The following AGBL4 variants were observed in gnomAD, a reference collection of about 807,000 sequenced individuals.
AGBL4 encodes the protein cytosolic carboxypeptidase 6.
AGBL4 carries 58 observed loss-of-function variants against 66.4 expected under a neutral mutation model. The observed-to-expected ratio is 0.87, with a 90% CI of 0.71 to 1.09. The LOEUF (loss-of-function observed/expected upper bound fraction) is 1.09, where lower values mean the gene tolerates loss of function less well. Ranked by LOEUF, AGBL4 falls within the 50% of genes least tolerant of loss-of-function variation. The probability of loss-of-function intolerance (pLI) is 0.00; values close to 1 mark genes in which losing one functional copy is unlikely to be tolerated. For synonymous variants in AGBL4, 234 were observed against 222.9 expected, an observed-to-expected ratio of 1.05 and a Z score of -0.44; for missense variants, 579 against 631.0, an observed-to-expected ratio of 0.92 and a Z score of 0.88.
intron 3 of AGBL4, among the ~76,000 whole-genome samples, chr1:49,690,679 A>T (rs933288831): frequency 4.6e-5 from 7 of 152,176 alleles, no homozygotes; most frequent in African/African-American, 1.7e-4. Flanking sequence ...TGTTCCGTAA[A>T]TTTTAGCTAT....
intron 3 of AGBL4, among the ~76,000 whole-genome samples, chr1:49,604,500 C>T (rs1408944260): frequency 2.6e-5 from 4 of 152,128 alleles, no homozygotes; most frequent in African/African-American, 9.7e-5. Context: ...AGTTTGCCAA[C>T]ATTTTCTCCC....
chr1:49,661,493 T>C (rs560038469), intron 3 of AGBL4, among the ~76,000 whole-genome samples: 1 of 152,250 alleles, frequency 6.6e-6, no homozygotes, highest in East Asian at 1.9e-4. Context: ...CTTCTCTCGC[T>C]CTTGCACCCT....
chr1:48,861,863 A>G (rs1647502060), intron 6 of AGBL4, among the ~76,000 whole-genome samples: 1 of 152,170 alleles, frequency 6.6e-6, no homozygotes. Context: ...GCAGTGGAGA[A>G]CTGATTGTAA....
At chr1:48,738,389 C>T (rs538848498) in intron 6 of AGBL4, among the ~76,000 whole-genome samples, 1 of 152,218 alleles carries the variant, frequency 6.6e-6, no homozygotes, top group Non-Finnish European at 1.5e-5. Context: ...AGATAAGCAG[C>T]CTTGGAGTGA....
intron 3 of AGBL4, among the ~76,000 whole-genome samples, chr1:49,419,434 T>C (rs1645496229): frequency 6.6e-6 from 1 of 152,190 alleles, no homozygotes; most frequent in South Asian, 2.1e-4. Context: ...ATGTGATACA[T>C]ATGGAATGGC....
At chr1:49,727,535 C>T (rs891992282) in intron 2 of AGBL4, among the ~76,000 whole-genome samples, 13 of 151,922 alleles carry the variant, frequency 8.6e-5, no homozygotes, top group African/African-American at 1.2e-4. Flanking sequence ...CCAATTAAAA[C>T]GTTTGAAAAT....
chr1:48,911,787 G>A (rs1653135340), intron 5 of AGBL4, among the ~76,000 whole-genome samples: 1 of 152,120 alleles, frequency 6.6e-6, no homozygotes, highest in African/African-American at 2.4e-5. Context: ...AGCAATGGCT[G>A]GCTCCAGTGC....
chr1:49,072,850 T>C (rs910273026), intron 4 of AGBL4, among the ~76,000 whole-genome samples: 1 of 152,240 alleles, frequency 6.6e-6, no homozygotes, highest in African/African-American at 2.4e-5. Context: ...CCAACTTGTT[T>C]CCATTCTCCC....
chr1:48,860,155 A>C (rs111675813), intron 6 of AGBL4, among the ~76,000 whole-genome samples: 289 of 152,328 alleles, frequency 1.9e-3, no homozygotes, highest in African/African-American at 6.6e-3. Context: ...GTACTTCCTC[A>C]TATTGCCTCC....
At chr1:49,117,554 C>T (rs377275517) in intron 4 of AGBL4, among the ~76,000 whole-genome samples, 5 of 152,006 alleles carry the variant, frequency 3.3e-5, no homozygotes, top group Admixed American at 6.6e-5. Context: ...ATTTCTGAGG[C>T]CTCTTTTCTG....
intron 9 of AGBL4, among the ~76,000 whole-genome samples, chr1:48,618,618 A>G (rs1645358353): frequency 1.3e-5 from 2 of 152,188 alleles, no homozygotes; most frequent in African/African-American, 4.8e-5. Context: ...TTATTAATCC[A>G]AGGTCAAAAG....
intron 3 of AGBL4, among the ~76,000 whole-genome samples, chr1:49,479,205 G>C (rs1204566930): frequency 6.6e-6 from 1 of 151,876 alleles, no homozygotes; most frequent in Non-Finnish European, 1.5e-5. Context: ...AAAATCAGTT[G>C]CATTTCTGTA....
intron 3 of AGBL4, among the ~76,000 whole-genome samples, chr1:49,329,652 T>C (rs554903668): frequency 2.6e-5 from 4 of 151,958 alleles, no homozygotes; most frequent in South Asian, 2.1e-4. Context: ...GGTAACATAG[T>C]GAGACCCCCC....
At chr1:49,928,867 T>C (rs973014172) in intron 1 of AGBL4, among the ~76,000 whole-genome samples, 3 of 151,698 alleles carry the variant, frequency 2.0e-5, no homozygotes, top group Non-Finnish European at 4.4e-5. Context: ...CATGCACCCA[T>C]ATGTTCATCG....
intron 4 of AGBL4, among the ~76,000 whole-genome samples, chr1:49,119,478 G>A (rs1051265869): frequency 2.0e-5 from 3 of 152,092 alleles, no homozygotes; most frequent in South Asian, 2.1e-4. Context: ...TCATGAGTAC[G>A]TTGTTCAGTT....
chr1:49,772,953 T>C (rs1024255725), intron 2 of AGBL4, among the ~76,000 whole-genome samples: 1 of 152,206 alleles, frequency 6.6e-6, no homozygotes, highest in African/African-American at 2.4e-5. Context: ...CCATTTCTTC[T>C]TTTTCTGACA....
chr1:49,813,884 T>C (rs868096507), intron 2 of AGBL4, among the ~76,000 whole-genome samples: 5 of 152,270 alleles, frequency 3.3e-5, no homozygotes, highest in African/African-American at 9.6e-5. Context: ...TTACATGTTA[T>C]GGGAGGCACC....
At chr1:49,306,659 C>T in intron 3 of AGBL4, among the ~76,000 whole-genome samples, 1 of 152,182 alleles carries the variant, frequency 6.6e-6, no homozygotes, top group East Asian at 1.9e-4. Context: ...TGTGGATTGA[C>T]ATCACGTGAC....
At chr1:49,649,966 A>G (rs1177979040) in intron 3 of AGBL4, among the ~76,000 whole-genome samples, 1 of 152,182 alleles carries the variant, frequency 6.6e-6, no homozygotes, top group Non-Finnish European at 1.5e-5. Context: ...AACTCATCAA[A>G]ATTTGTGGGA....
Sources: allele counts gnomAD v4.1 joint callset (sites outside exome capture counted in the v4.1 genomes callset), GRCh38; gene constraint gnomAD v4.1.1; transcripts MANE v1.5; gene names NCBI Gene and HGNC (gene_info 2026-07-23, HGNC 2026-07-21).